PLCL2: variants seen among roughly 807,000 people sequenced by gnomAD.
PLCL2 encodes the protein inactive phospholipase C-like protein 2.
In PLCL2, 4 loss-of-function variants were observed where a neutral mutation model predicts 79.6. The ratio of observed to expected loss-of-function variants is 0.05; its 90% CI spans 0.02 to 0.11. The LOEUF (loss-of-function observed/expected upper bound fraction) is 0.11. PLCL2 is among the 10% of genes least tolerant of loss of function. PLCL2 has a pLI of 1.00. For missense variants in PLCL2, 895 were observed against 1,291.0 expected (o/e 0.69, Z 4.70); for synonymous variants, 484 against 457.7 (o/e 1.06, Z -0.73).
At chr3:17,088,912 T>C (rs1215019764) in intron 5 of PLCL2, among the ~76,000 whole-genome samples, 2 of 152,252 alleles carry the variant, frequency 1.3e-5, no homozygotes, top group Non-Finnish European at 2.9e-5. Flanking sequence ...ATAGATCAAG[T>C]TGATGGTCAG....
chr3:17,055,828 A>T (rs79351714), intron 4 of PLCL2, among the ~76,000 whole-genome samples: 11,714 of 152,154 alleles, frequency 0.077, 602 homozygotes, highest in South Asian at 0.16. Flanking sequence ...TCTCACAGGG[A>T]GAGTGTGAGT....
At chr3:17,063,634 CTG>C (rs1395718403) in intron 4 of PLCL2, among the ~76,000 whole-genome samples, 1 of 152,094 alleles carries the variant, frequency 6.6e-6, no homozygotes, top group African/African-American at 2.4e-5. Context: ...CGTGACTTCT[CTG>C]TGCTGCCTGT....
At chr3:16,979,019 AG>A (rs1470605767) in intron 1 of PLCL2, among the ~76,000 whole-genome samples, 5 of 152,220 alleles carry the variant, frequency 3.3e-5, no homozygotes, top group Non-Finnish European at 7.3e-5. Flanking sequence ...ACTCATTCAC[AG>A]CACCAGCAAT....
chr3:16,920,808 A>C (rs974895628), intron 1 of PLCL2, among the ~76,000 whole-genome samples: 12 of 152,246 alleles, frequency 7.9e-5, no homozygotes, highest in Admixed American at 3.3e-4. Flanking sequence ...CTACGTGAGA[A>C]TACAAGAAAA....
In PLCL2 at chr3:16,886,729, C is replaced by A. The variant is rs557266942; in HGVS notation, c.327+1363C>A. Among the ~76,000 whole-genome samples, 1 of 152,136 alleles carries A rather than the reference C, an allele frequency of 6.6e-6. No individual in the cohort carries two copies. Among genetic ancestry groups the A allele is most frequent in the Admixed American group, 6.5e-5 (1 of 15,278 alleles). ...TGCATACATAGCTTTTAGTGACTTA[C>A]GTTTTCTTTTACTCTGTAGCTTATG... On this transcript the variant is annotated intron_variant, in intron 1 of 5. Coordinates refer to ENST00000615277, the MANE Select transcript of PLCL2 (RefSeq NM_001144382.2). The surrounding 1 kb of genome is among the most constrained non-coding windows in gnomAD (Gnocchi z 4.2).
At chr3:16,902,889 T>C (rs1331183152) in intron 1 of PLCL2, among the ~76,000 whole-genome samples, 2 of 145,630 alleles carry the variant, frequency 1.4e-5, no homozygotes, top group African/African-American at 5.2e-5. Flanking sequence ...TGTGNGCGCA[T>C]GTGCATGCTT....
At chr3:17,057,903 C>T (rs1035007101) in intron 4 of PLCL2, among the ~76,000 whole-genome samples, 2 of 152,226 alleles carry the variant, frequency 1.3e-5, no homozygotes, top group African/African-American at 4.8e-5. Context: ...CGAGCTCTTA[C>T]TCTCCGTCTG....
At chr3:16,911,613 T>C (rs1302100932) in intron 1 of PLCL2, among the ~76,000 whole-genome samples, 1 of 152,192 alleles carries the variant, frequency 6.6e-6, no homozygotes, top group Admixed American at 6.5e-5. Flanking sequence ...AGCTTCACTT[T>C]TGTCATACAA....
At chr3:16,902,796 C>T (rs977645590) in intron 1 of PLCL2, among the ~76,000 whole-genome samples, 5 of 144,938 alleles carry the variant, frequency 3.4e-5, no homozygotes, top group African/African-American at 1.3e-4. Flanking sequence ...CACTGCACTC[C>T]AGCCTGGTAA....
chr3:16,938,413 C>T (rs1171031704), intron 1 of PLCL2, among the ~76,000 whole-genome samples: 2 of 152,076 alleles, frequency 1.3e-5, no homozygotes, highest in South Asian at 4.2e-4. Context: ...GAAGCCTCAG[C>T]CATCCTCATT....
chr3:16,982,373 T>C (rs2064008533), intron 1 of PLCL2, among the ~76,000 whole-genome samples: 1 of 152,234 alleles, frequency 6.6e-6, no homozygotes, highest in Non-Finnish European at 1.5e-5. Context: ...TTCAAGTGAC[T>C]TGCCATTTTT....
intron 1 of PLCL2, among the ~76,000 whole-genome samples, chr3:17,002,139 A>G (rs1477496588): frequency 1.3e-5 from 2 of 152,100 alleles, no homozygotes; most frequent in African/African-American, 2.4e-5. Flanking sequence ...CACTATTGGC[A>G]TATAGTAATG....
chr3:17,014,217 C>A (rs1426954267), intron 2 of PLCL2, among the ~76,000 whole-genome samples: 2 of 152,164 alleles, frequency 1.3e-5, no homozygotes, highest in Admixed American at 6.5e-5. Context: ...CTCAAAGGTT[C>A]TTTAGATTTT....
intron 3 of PLCL2, among the ~76,000 whole-genome samples, chr3:17,024,013 G>C (rs993614624): frequency 6.6e-6 from 1 of 152,134 alleles, no homozygotes; most frequent in African/African-American, 2.4e-5. Context: ...TTCATCCTCT[G>C]GTTTGCCTTA....
In PLCL2 at chr3:17,028,971, A is replaced by T. The variant is rs551036504; in HGVS notation, c.3019-13903A>T. On this transcript the variant is annotated intron_variant, in intron 3 of 5. Transcript: ENST00000615277. ...CCTTCTTACCCTACATGTCTTTCCC[A>T]TATGTCCCTGTATTCCCCGAACTTG... is the stretch of plus-strand genomic sequence containing the variant. Among the ~76,000 whole-genome samples the T allele has an allele frequency of 9.2e-4, 140 of 152,184 alleles. 4 individuals are homozygous for T. In the South Asian group the frequency reaches 0.028, roughly 30 times the overall value.
chr3:17,001,631 C>T (rs1029271709), intron 1 of PLCL2, among the ~76,000 whole-genome samples: 5 of 151,948 alleles, frequency 3.3e-5, no homozygotes, highest in African/African-American at 1.2e-4. Context: ...AATGTATGTT[C>T]TTGGTGCCTT....
intron 4 of PLCL2, among the ~76,000 whole-genome samples, chr3:17,065,036 GGATTCTGAGTTTT>G (rs2064994772): frequency 1.3e-5 from 2 of 151,004 alleles, no homozygotes; most frequent in Admixed American, 1.3e-4. Context: ...TCACTTTTTT[GGATTCTGAGTTTT>G]TTATTTTTAA....
chr3:16,913,158 ATCT>A lies in PLCL2; in HGVS notation c.327+27799_327+27801del, dbSNP rs533757020. Among the ~76,000 whole-genome samples, 19 of 152,144 alleles carry A rather than the reference ATCT, an allele frequency of 1.2e-4. No individual in the cohort carries two copies. The East Asian group carries it at 2.7e-3, about 22-fold the overall frequency. On this transcript the variant is annotated intron_variant, in intron 1 of 5. Transcript: ENST00000615277. ...CATGTATCATCAGTACTACTCTAGC[ATCT>A]TCTTCTGCTTCTCACCAACCTCCGT...
intron 1 of PLCL2, among the ~76,000 whole-genome samples, chr3:16,888,891 T>C (rs576357206): frequency 1.6e-4 from 24 of 152,226 alleles, no homozygotes; most frequent in Non-Finnish European, 2.6e-4. Flanking sequence ...TACAGTAAAA[T>C]TCACACTGGT....
Sources: gnomAD v4.1 joint callset for allele counts (sites outside exome capture counted in the v4.1 genomes callset) on GRCh38, gnomAD v4.1.1 for gene constraint, Gnocchi (gnomAD v3.1) non-coding constraint, MANE v1.5 for transcripts, NCBI Gene and HGNC (gene_info 2026-07-23, HGNC 2026-07-21) for gene names.